Variants in ABCA13 observed in about 807,000 individuals in gnomAD.
ABCA13 encodes the protein ATP binding cassette subfamily A member 13.
Under a neutral mutation model 478.7 loss-of-function variants are expected in ABCA13, and 476 were observed. The ratio of observed to expected loss-of-function variants is 0.99; its 90% CI spans 0.92 to 1.07. ABCA13 has a LOEUF of 1.07. Among genes scored for constraint, ABCA13 ranks in the 50% least tolerant of loss-of-function variants. The pLI, the probability that ABCA13 is intolerant of heterozygous loss-of-function variation, is 0.00. For missense variants in ABCA13, 6,060 were observed against 5,910.6 expected (o/e 1.03, Z -0.83); for synonymous variants, 2,252 against 2,158.9 (o/e 1.04, Z -1.20).
At chr7:48,570,466 A>G (rs1374580290) in intron 55 of ABCA13, among the ~76,000 whole-genome samples, 2 of 151,672 alleles carry the variant, frequency 1.3e-5, no homozygotes, top group Non-Finnish European at 2.9e-5. Context: ...CTGGGACTAC[A>G]GGCGCCTGCC....
intron 49 of ABCA13, 29 bp from the exon 50 acceptor site, chr7:48,507,843 G>T: frequency 6.4e-7 from 1 of 1,563,288 alleles, no homozygotes; most frequent in Non-Finnish European, 8.7e-7. Flanking sequence ...TTCGTCAGGT[G>T]CCTGAGAGCT....
intron 1 of ABCA13, among the ~76,000 whole-genome samples, chr7:48,183,544 C>G (rs1425870206): frequency 2.0e-5 from 3 of 152,198 alleles, no homozygotes; most frequent in Non-Finnish European, 4.4e-5. Flanking sequence ...AAACGAACTA[C>G]TTAAGGATAG....
In ABCA13 at chr7:48,578,923, T is replaced by G. The variant is rs976527486; in HGVS notation, c.14355-1301T>G. ...TTGCAACAAATGGTGCCAGAACAAA[T>G]GGACATCCACATGCCAGACAATGAA... On this transcript the variant is annotated intron_variant, in intron 55 of 61. Transcript: ENST00000435803. Among the ~76,000 whole-genome samples, 13 of 152,194 alleles carry G rather than the reference T, an allele frequency of 8.5e-5. No homozygotes were observed. In the East Asian group the frequency reaches 2.5e-3, roughly 29 times the overall value.
At chr7:48,478,719 A>G in intron 45 of ABCA13, among the ~76,000 whole-genome samples, 1 of 152,070 alleles carries the variant, frequency 6.6e-6, no homozygotes, top group Non-Finnish European at 1.5e-5. Flanking sequence ...CAGGGAGGAG[A>G]AGAAATAAAA....
intron 59 of ABCA13, among the ~76,000 whole-genome samples, chr7:48,615,906 A>G (rs997386277): frequency 2.6e-5 from 4 of 152,054 alleles, no homozygotes; most frequent in African/African-American, 9.7e-5. Context: ...TTGATCCTTT[A>G]TATTTCTTCC....
rs536320449 is a variant in ABCA13 at position 48,171,552 on chromosome 7, G to A, written c.69G>A (p.Pro23=). Residue 23 remains proline, a splice_region_variant and synonymous_variant, in exon 1 of 62, where the codon CCG becomes CCA. Coordinates refer to ENST00000435803, the MANE Select transcript of ABCA13 (RefSeq NM_152701.5). Reference sequence around the variant, plus strand: ...ATTGGCTCTGCAGACTCAGGAACCCGGTGAGTGCTTGCCTTGGTTTTCCAT... The same window carrying A: ...ATTGGCTCTGCAGACTCAGGAACCCAGTGAGTGCTTGCCTTGGTTTTCCAT... ...WKNWLCRLRN[P]VLFLAEFFWP... is the part of the protein sequence containing the mutation. 58 of 1,536,340 alleles carry A rather than the reference G, an allele frequency of 3.8e-5. No homozygotes were observed. In the African/African-American group the frequency reaches 6.6e-4, roughly 17 times the overall value.
rs1266190047 is a variant in ABCA13 at position 48,481,117 on chromosome 7, A to G, written c.13057A>G (p.Met4353Val). The change falls in exon 46 of 62, where the codon ATG (methionine) becomes GTG (valine). Residue 4353 changes from methionine to valine, a missense_variant. Physicochemically the swap from Met to Val is conservative, Grantham distance 21 (BLOSUM62 1). Transcript: ENST00000435803. ...HTLLNLSGFN[M>V]EEYLLAPSEK... The stretch of plus-strand genomic sequence containing the variant: ...ACTGTTGAATCTCTCAGGCTTCAAT[A>G]TGGAGGAGTACTTGCTGGCACCATC... 1.6e-5 allele frequency: 26 copies of G among 1,597,182 alleles called. No homozygotes were observed. Among genetic ancestry groups the G allele is most frequent in the Non-Finnish European group, 2.2e-5 (26 of 1,171,338 alleles).
chr7:48,345,785 T>A (rs974418210), intron 29 of ABCA13, among the ~76,000 whole-genome samples: 2 of 152,142 alleles, frequency 1.3e-5, no homozygotes, highest in Non-Finnish European at 2.9e-5. Flanking sequence ...GTGTATAAAG[T>A]TTATAAAGTG....
intron 38 of ABCA13, among the ~76,000 whole-genome samples, 194 bp from the exon 39 acceptor site, chr7:48,403,489 C>T (rs539705632): frequency 5.1e-4 from 77 of 152,368 alleles, no homozygotes; most frequent in African/African-American, 1.1e-3. Context: ...TGTCCCTTGG[C>T]GTGGTTCCAT....
At chr7:48,598,975 T>G (rs1790587853) in intron 58 of ABCA13, among the ~76,000 whole-genome samples, 2 of 152,060 alleles carry the variant, frequency 1.3e-5, no homozygotes, top group Non-Finnish European at 2.9e-5. Flanking sequence ...CATAGCACCT[T>G]TATTATATTA....
chr7:48,539,271 A>G (rs1196091493), intron 55 of ABCA13, among the ~76,000 whole-genome samples: 1 of 152,120 alleles, frequency 6.6e-6, no homozygotes, highest in African/African-American at 2.4e-5. Flanking sequence ...AATAAATATT[A>G]AAATATAAAA....
Position 48,389,157 on chromosome 7 carries a change from CCTT to C in ABCA13, c.11594_11596del (p.Phe3865del), listed in dbSNP as rs746384991. The C allele has an allele frequency of 3.7e-6, 6 of 1,613,838 alleles. No homozygotes were observed. On this transcript the variant is annotated inframe_deletion, in exon 37 of 62. Coordinates refer to ENST00000435803, the MANE Select transcript of ABCA13 (RefSeq NM_152701.5). ...GCTGTGGTCCAAGACCTCAGCCTGACCTTCTACAGAGACCAAATCACCGCCCTG... is the reference window on the plus strand; with the variant it reads ...GCTGTGGTCCAAGACCTCAGCCTGACCTACAGAGACCAAATCACCGCCCTG...
At chr7:48,300,292 G>A (rs1313740143) in intron 23 of ABCA13, among the ~76,000 whole-genome samples, 2 of 152,356 alleles carry the variant, frequency 1.3e-5, no homozygotes, top group East Asian at 3.9e-4. Context: ...CAAAATTGCA[G>A]AAATCTTCAT....
chr7:48,313,445 C>T (rs1032053456), intron 25 of ABCA13, among the ~76,000 whole-genome samples: 5 of 152,292 alleles, frequency 3.3e-5, no homozygotes, highest in South Asian at 4.1e-4. Context: ...TATTGTTGAT[C>T]TACATTCCAC....
intron 48 of ABCA13, among the ~76,000 whole-genome samples, chr7:48,503,449 T>G (rs1289570250): frequency 6.6e-6 from 1 of 152,218 alleles, no homozygotes; most frequent in African/African-American, 2.4e-5. Context: ...CATTGCCTCT[T>G]TCCCCTGGCC....
In ABCA13 at chr7:48,528,343, G is replaced by A. The variant is rs1193932159; in HGVS notation, c.14352G>A (p.Met4784Ile). 10 of 1,549,214 alleles carry A rather than the reference G, an allele frequency of 6.5e-6. No individual in the cohort carries two copies. Among genetic ancestry groups the A allele is most frequent in the Non-Finnish European group, 8.7e-6 (10 of 1,145,434 alleles). ...TSGHAIIRTP[M>I]GDAVDLSSAG... Reference sequence around the variant, plus strand: ...GACATGCTATCATCAGGACTCCCATGGGGTAAGATACAGATTTCATCATTT... The same window carrying A: ...GACATGCTATCATCAGGACTCCCATAGGGTAAGATACAGATTTCATCATTT... The change falls in exon 55 of 62, where the codon ATG becomes ATA. Residue 4784 changes from methionine (M) to isoleucine (I), a missense_variant and splice_region_variant. Around this residue, in one of 3 missense-constraint regions of ABCA13, gnomAD observed 1,627 missense variants for 1,571.0 expected, o/e 1.04. Coordinates refer to ENST00000435803, the MANE Select transcript of ABCA13 (RefSeq NM_152701.5).
At chr7:48,490,400 C>G (rs981822565) in intron 48 of ABCA13, among the ~76,000 whole-genome samples, 1 of 152,168 alleles carries the variant, frequency 6.6e-6, no homozygotes, top group Admixed American at 6.5e-5. Flanking sequence ...AACTGATTTT[C>G]AGAAAACATC....
chr7:48,355,584 A>G lies in ABCA13; in HGVS notation c.10688+3097A>G, dbSNP rs113317769. ...GAGCTTGTAGGGGTATGTGTGGGAC[A>G]GAGAAATCATTTAGAAGGCTGTTGT... On this transcript the variant is annotated intron_variant, in intron 31 of 61. Coordinates refer to ENST00000435803, the MANE Select transcript of ABCA13 (RefSeq NM_152701.5). 1.1e-3 allele frequency among the ~76,000 whole-genome samples: 163 copies of G among 152,150 alleles called. 2 individuals are homozygous for G. The highest frequency in any genetic ancestry group is 3.7e-3 in the African/African-American group (153 of 41,400).
At chr7:48,368,787 A>G (rs1291428074) in intron 32 of ABCA13, among the ~76,000 whole-genome samples, 1 of 149,996 alleles carries the variant, frequency 6.7e-6, no homozygotes. Context: ...ACACACACAC[A>G]CACACACACA....
Sources: gnomAD v4.1 joint callset for allele counts (sites outside exome capture counted in the v4.1 genomes callset) on GRCh38, gnomAD v4.1.1 for gene constraint, gnomAD v4.1.1 regional missense constraint, MANE v1.5 for transcripts, NCBI Gene and HGNC (gene_info 2026-07-23, HGNC 2026-07-21) for gene names.